Variants in PPP1R12B observed in about 807,000 individuals in gnomAD.
PPP1R12B encodes myosin phosphatase target subunit 2.
In PPP1R12B, 76 loss-of-function variants were observed where a neutral mutation model predicts 126.1. The ratio of observed to expected loss-of-function variants is 0.60; its 90% CI spans 0.50 to 0.73. PPP1R12B has a LOEUF of 0.73. PPP1R12B is among the 30% of genes least tolerant of loss of function. PPP1R12B has a pLI of 0.00. For missense variants in PPP1R12B, 1,052 were observed against 1,205.1 expected (o/e 0.87, Z 1.88); for synonymous variants, 356 against 434.7 (o/e 0.82, Z 2.25).
At chr1:202,412,360 G>A (rs1346322812) in intron 1 of PPP1R12B, among the ~76,000 whole-genome samples, 2 of 152,192 alleles carry the variant, frequency 1.3e-5, no homozygotes, top group African/African-American at 4.8e-5. Flanking sequence ...AACTGAAGTA[G>A]TGATGAGGTG....
intron 1 of PPP1R12B, among the ~76,000 whole-genome samples, chr1:202,365,895 C>T (rs576514660): frequency 2.6e-5 from 4 of 152,144 alleles, no homozygotes; most frequent in African/African-American, 7.2e-5. Context: ...GAGGCTAAGG[C>T]GGGAGGATTA....
intron 2 of PPP1R12B, among the ~76,000 whole-genome samples, chr1:202,418,821 A>G (rs182896857): frequency 6.6e-6 from 1 of 152,258 alleles, no homozygotes; most frequent in East Asian, 1.9e-4. Context: ...AATGGAAAAA[A>G]AAACATTGTT....
At position 202,581,784 on chromosome 1, in the gene PPP1R12B, G is replaced by T. The variant is rs1190930336; in HGVS notation, c.*1224G>T. ...ATAGTGGTGAATTTGATTATTTCCA[G>T]TGGTTAGATTTAGCAGAGAGATTTA... On this transcript the variant is annotated 3_prime_UTR_variant, in exon 24 of 24. Coordinates refer to ENST00000608999, the MANE Select transcript of PPP1R12B (RefSeq NM_002481.4). The T allele has an allele frequency of 6.6e-6, 1 of 152,230 alleles. No homozygotes were observed. Among genetic ancestry groups the T allele is most frequent in the Non-Finnish European group, 1.5e-5 (1 of 68,050 alleles). 9.4% of individuals were successfully genotyped at this position (152,230 alleles called of 1,614,324 possible).
chr1:202,396,490 G>A (rs1664999533), intron 1 of PPP1R12B, among the ~76,000 whole-genome samples: 1 of 152,122 alleles, frequency 6.6e-6, no homozygotes, highest in African/African-American at 2.4e-5. Flanking sequence ...TTTCACCCAT[G>A]TATAGTAAGC....
chr1:202,420,818 A>G (rs1313871703), intron 2 of PPP1R12B, among the ~76,000 whole-genome samples: 3 of 152,136 alleles, frequency 2.0e-5, no homozygotes, highest in African/African-American at 7.2e-5. Context: ...TAAAAGGTGA[A>G]TTGTGAAGGC....
chr1:202,529,346 A>G (rs1388094944), intron 18 of PPP1R12B, among the ~76,000 whole-genome samples: 1 of 151,678 alleles, frequency 6.6e-6, no homozygotes, highest in Non-Finnish European at 1.5e-5. Flanking sequence ...GTTTGGGAGT[A>G]TTTTTAGTAA....
chr1:202,511,439 G>C (rs1436834528), intron 18 of PPP1R12B, among the ~76,000 whole-genome samples: 2 of 151,724 alleles, frequency 1.3e-5, no homozygotes, highest in Non-Finnish European at 1.5e-5. Flanking sequence ...TGCTGGTCTC[G>C]ATCTCCTGAC....
chr1:202,533,507 C>T (rs566104237), intron 18 of PPP1R12B, among the ~76,000 whole-genome samples: 12 of 151,884 alleles, frequency 7.9e-5, no homozygotes, highest in Middle Eastern at 3.4e-3. Flanking sequence ...TTGGTAGAGA[C>T]GGGGTTTTAT....
At chr1:202,381,011 C>T (rs1411039589) in intron 1 of PPP1R12B, among the ~76,000 whole-genome samples, 1 of 152,196 alleles carries the variant, frequency 6.6e-6, no homozygotes, top group African/African-American at 2.4e-5. Context: ...TAGATGCTCT[C>T]TCTTATTGAC....
In PPP1R12B at chr1:202,589,347, G is replaced by C. The variant is rs562087627; in HGVS notation, c.*8787G>C. 2.0e-5 allele frequency: 3 copies of C among 152,216 alleles called. No individual in the cohort carries two copies. In the South Asian group the frequency reaches 6.2e-4, roughly 32 times the overall value. 9.4% of individuals were successfully genotyped at this position (152,216 alleles called of 1,614,324 possible). A position where few individuals can be genotyped will look rare whatever the true frequency, so the allele number is the denominator to read the frequency against. On this transcript the variant is annotated 3_prime_UTR_variant, in exon 24 of 24. Transcript: ENST00000608999. ...CTCAGCCCTGTGTTTCCTGCCAAGC[G>C]GAAATCCCTGGTCACTGACTTGGGG...
chr1:202,558,922 G>A lies in PPP1R12B; in HGVS notation c.2507+29G>A, dbSNP rs888634371. On this transcript the variant is annotated intron_variant, in intron 19 of 23. Coordinates refer to ENST00000608999, the MANE Select transcript of PPP1R12B (RefSeq NM_002481.4). ...AGAACTCTCCCTGTTATATATGCAT[G>A]CTTAATACTTGTGAGTGAATGCATG... 4.5e-6 allele frequency: 7 copies of A among 1,568,350 alleles called. No individual in the cohort carries two copies. In the African/African-American group the frequency reaches 9.7e-5, roughly 22 times the overall value.
At chr1:202,575,322 G>A (rs1233016089) in intron 23 of PPP1R12B, 1 of 857,970 alleles carries the variant, frequency 1.2e-6, no homozygotes, top group African/African-American at 1.7e-5. Flanking sequence ...GGACATACCA[G>A]CCTAGGTCAA....
intron 1 of PPP1R12B, chr1:202,410,003 T>C (rs577220776): frequency 1.3e-5 from 2 of 152,300 alleles, no homozygotes; most frequent in African/African-American, 4.8e-5. Context: ...TTATTTTTTG[T>C]TGTTGAGTTT....
At chr1:202,545,627 G>C (rs1371318521) in intron 18 of PPP1R12B, among the ~76,000 whole-genome samples, 1 of 152,182 alleles carries the variant, frequency 6.6e-6, no homozygotes, top group African/African-American at 2.4e-5. Flanking sequence ...TGCCCTCAAA[G>C]AATTGGCAGT....
chr1:202,447,766 G>A (rs1030466872), intron 12 of PPP1R12B, among the ~76,000 whole-genome samples: 1 of 152,148 alleles, frequency 6.6e-6, no homozygotes, highest in Non-Finnish European at 1.5e-5. Context: ...TTCAGGTAAG[G>A]TTTGGTTAAG....
intron 18 of PPP1R12B, chr1:202,540,214 T>C: frequency 6.2e-7 from 1 of 1,609,492 alleles, no homozygotes; most frequent in Non-Finnish European, 8.5e-7. Flanking sequence ...CCCCAGCATC[T>C]CCCTCCCCGA....
chr1:202,488,477 C>A, intron 13 of PPP1R12B, 56 bp from the exon 14 acceptor site: 2 of 1,324,192 alleles, frequency 1.5e-6, no homozygotes, highest in Admixed American at 2.1e-5. Context: ...CTTTGTCATT[C>A]CTCAAGTATA....
At chr1:202,459,670 ACT>A (rs1674069987) in intron 13 of PPP1R12B, among the ~76,000 whole-genome samples, 3 of 152,246 alleles carry the variant, frequency 2.0e-5, no homozygotes, top group Non-Finnish European at 4.4e-5. Flanking sequence ...TTAATATGAC[ACT>A]CTGAGTCAGA....
At chr1:202,469,663 A>C (rs1195683572) in intron 13 of PPP1R12B, among the ~76,000 whole-genome samples, 1 of 152,032 alleles carries the variant, frequency 6.6e-6, no homozygotes, top group Non-Finnish European at 1.5e-5. Context: ...CCATATGTAA[A>C]CTTACCTCAG....
Sources: allele counts gnomAD v4.1 joint callset (sites outside exome capture counted in the v4.1 genomes callset), GRCh38; gene constraint gnomAD v4.1.1; transcripts MANE v1.5; gene names NCBI Gene and HGNC (gene_info 2026-07-23, HGNC 2026-07-21).